AIG1: variants seen among roughly 807,000 people sequenced by gnomAD.
AIG1 encodes androgen-induced gene 1 protein.
A neutral mutation model predicts 31.4 loss-of-function variants in AIG1; 23 were observed. The ratio of observed to expected loss-of-function variants is 0.73; its 90% CI spans 0.53 to 1.04. The LOEUF (loss-of-function observed/expected upper bound fraction) is 1.04, where lower values mean the gene tolerates loss of function less well. Ranked by LOEUF, AIG1 falls within the 50% of genes least tolerant of loss-of-function variation. AIG1 has a pLI of 0.00. For synonymous variants in AIG1, 100 were observed against 110.5 expected, an observed-to-expected ratio of 0.90 and a Z score of 0.60; for missense variants, 274 against 295.0, an observed-to-expected ratio of 0.93 and a Z score of 0.52.
chr6:143,157,817 C>A (rs1785947153), intron 2 of AIG1, among the ~76,000 whole-genome samples: 1 of 152,096 alleles, frequency 6.6e-6, no homozygotes, highest in South Asian at 2.1e-4. Flanking sequence ...CCTATTGGGG[C>A]AAACTTTTCT....
chr6:143,153,075 G>A (rs539181938), intron 2 of AIG1, among the ~76,000 whole-genome samples: 15 of 152,278 alleles, frequency 9.9e-5, no homozygotes, highest in South Asian at 4.1e-4. Flanking sequence ...AATCCAGAGC[G>A]ACAACTGGTC....
chr6:143,132,443 G>C (rs1461089652), intron 1 of AIG1, among the ~76,000 whole-genome samples: 1 of 151,968 alleles, frequency 6.6e-6, no homozygotes, highest in Non-Finnish European at 1.5e-5. Flanking sequence ...AGAAATATGT[G>C]TTAATTCTTT....
At chr6:143,116,382 G>A (rs770494565) in intron 1 of AIG1, among the ~76,000 whole-genome samples, 8 of 152,076 alleles carry the variant, frequency 5.3e-5, no homozygotes, top group Admixed American at 1.3e-4. Context: ...AATGAAAAGA[G>A]TTAAAATCCA....
At chr6:143,183,250 C>T (rs1487273682) in intron 3 of AIG1, among the ~76,000 whole-genome samples, 2 of 143,598 alleles carry the variant, frequency 1.4e-5, no homozygotes, top group East Asian at 2.2e-4. Flanking sequence ...GGCTGGAGTG[C>T]GATGGCGCAA....
chr6:143,084,106 G>A (rs6570546), intron 1 of AIG1, among the ~76,000 whole-genome samples: 12,325 of 152,118 alleles, frequency 0.081, 1,549 homozygotes, highest in African/African-American at 0.27. Context: ...TGAGAAGGCC[G>A]CACCAGTGTC....
At chr6:143,060,859 C>T (rs538178558), upstream of AIG1, 316 of 1,143,510 alleles carry the variant, frequency 2.8e-4, 3 homozygotes, top group Admixed American at 3.2e-3. Flanking sequence ...CGCCCGCCCC[C>T]GCGCGCCCGG....
intron 1 of AIG1, among the ~76,000 whole-genome samples, chr6:143,082,119 A>T (rs1475896199): frequency 6.6e-6 from 1 of 152,168 alleles, no homozygotes; most frequent in Admixed American, 6.5e-5. Context: ...ATGGGCATGG[A>T]GGACTAGGTA....
chr6:143,230,397 A>G (rs1334963413), intron 3 of AIG1, among the ~76,000 whole-genome samples: 1 of 150,102 alleles, frequency 6.7e-6, no homozygotes, highest in East Asian at 1.9e-4. Flanking sequence ...TCATATTAGT[A>G]TAATATATTA....
intron 1 of AIG1, among the ~76,000 whole-genome samples, chr6:143,127,903 G>A (rs1281579242): frequency 6.6e-6 from 1 of 152,092 alleles, no homozygotes; most frequent in South Asian, 2.1e-4. Context: ...GGCCAGGCTG[G>A]TCTGGAACTC....
intron 4 of AIG1, among the ~76,000 whole-genome samples, chr6:143,318,741 C>G (rs1158746886): frequency 6.6e-6 from 1 of 151,670 alleles, no homozygotes; most frequent in Non-Finnish European, 1.5e-5. Context: ...CAACAAAGGA[C>G]CAATATCCAG....
rs2128680844 is a variant in AIG1, at chr6:143,284,837, C to T, written c.515+612C>T. Among the ~76,000 whole-genome samples the T allele has an allele frequency of 6.6e-6, 1 of 152,224 alleles. No individual in the cohort carries two copies. Among genetic ancestry groups the T allele is most frequent in the South Asian group, 2.1e-4 (1 of 4,816 alleles). ...AATTTATCTGATAAAAGAATTTTTG[C>T]CTGGCGAGTCTACTTCACATTAATT... is the stretch of plus-strand genomic sequence containing the variant. On this transcript the variant is annotated intron_variant, in intron 4 of 5. Coordinates refer to ENST00000357847, the MANE Select transcript of AIG1 (RefSeq NM_016108.4). The surrounding 1 kb of genome is among the most constrained non-coding windows in gnomAD (Gnocchi z 4.4).
At chr6:143,146,334 T>A (rs1784705783) in intron 2 of AIG1, among the ~76,000 whole-genome samples, 1 of 152,218 alleles carries the variant, frequency 6.6e-6, no homozygotes, top group African/African-American at 2.4e-5. Context: ...AGACATGTGA[T>A]TCCTGTCCTC....
intron 3 of AIG1, among the ~76,000 whole-genome samples, chr6:143,275,131 TTAAAG>T (rs1796806723): frequency 6.6e-6 from 1 of 152,166 alleles, no homozygotes; most frequent in Non-Finnish European, 1.5e-5. Context: ...GTGGAGCTTA[TTAAAG>T]TAAAGGAGAA....
chr6:143,208,835 A>G (rs1791352345), intron 3 of AIG1, among the ~76,000 whole-genome samples: 1 of 152,032 alleles, frequency 6.6e-6, no homozygotes, highest in African/African-American at 2.4e-5. Flanking sequence ...AAAAATCTCC[A>G]TTTATAATTC....
chr6:143,332,601 G>A (rs1411099455), intron 4 of AIG1, among the ~76,000 whole-genome samples: 2 of 152,238 alleles, frequency 1.3e-5, no homozygotes. Context: ...TATGGCATGA[G>A]TGTTGGTGTC....
intron 3 of AIG1, chr6:143,187,551 T>C (rs1789378648): frequency 2.0e-5 from 30 of 1,536,028 alleles, no homozygotes; most frequent in Non-Finnish European, 2.6e-5. Context: ...GCCTGTAATA[T>C]TTGCATAAAA....
At chr6:143,143,328 C>G (rs539669221) in intron 2 of AIG1, among the ~76,000 whole-genome samples, 1 of 148,692 alleles carries the variant, frequency 6.7e-6, no homozygotes, top group Admixed American at 6.7e-5. Flanking sequence ...AACCCCATCT[C>G]TACTAAAAAA....
At chr6:143,161,176 C>A (rs922960795) in intron 2 of AIG1, among the ~76,000 whole-genome samples, 2 of 151,858 alleles carry the variant, frequency 1.3e-5, no homozygotes, top group Non-Finnish European at 2.9e-5. Context: ...CAATAATGAC[C>A]AAAATCAACT....
chr6:143,192,162 A>G (rs945201141), intron 3 of AIG1, among the ~76,000 whole-genome samples: 1 of 152,224 alleles, frequency 6.6e-6, no homozygotes, highest in Non-Finnish European at 1.5e-5. Context: ...GATGTTCAAG[A>G]CATCTAAGGT....
Sources: gnomAD v4.1 joint callset for allele counts (sites outside exome capture counted in the v4.1 genomes callset) on GRCh38, gnomAD v4.1.1 for gene constraint, Gnocchi (gnomAD v3.1) non-coding constraint, MANE v1.5 for transcripts, NCBI Gene and HGNC (gene_info 2026-07-23, HGNC 2026-07-21) for gene names.